STKLD1: variants seen among roughly 807,000 people sequenced by gnomAD.
The protein encoded by STKLD1 is serine/threonine kinase-like domain-containing protein STKLD1.
Under a neutral mutation model 80.4 loss-of-function variants are expected in STKLD1, and 79 were observed. The observed-to-expected ratio is 0.98, with a 90% CI of 0.82 to 1.19. STKLD1 has a LOEUF of 1.19. Among genes scored for constraint, STKLD1 ranks in the 50% most tolerant of loss-of-function variants. The pLI, the probability that STKLD1 is intolerant of heterozygous loss-of-function variation, is 0.00. For synonymous variants in STKLD1, 393 were observed against 357.6 expected, an observed-to-expected ratio of 1.10 and a Z score of -1.12; for missense variants, 841 against 856.0, an observed-to-expected ratio of 0.98 and a Z score of 0.22.
intron 16 of STKLD1, 138 bp downstream of exon 16, chr9:133,404,186 G>A (rs2130692220): frequency 8.9e-7 from 1 of 1,120,864 alleles, no homozygotes; most frequent in Non-Finnish European, 1.2e-6. Context: ...AAAACGATCT[G>A]AAGTCCAGTC....
rs1239813889 is a variant in STKLD1 at position 133,390,247 on chromosome 9, ACAC to A, written c.468-433_468-431del. On this transcript the variant is annotated intron_variant, in intron 6 of 17. Coordinates refer to ENST00000371957, the MANE Select transcript of STKLD1 (RefSeq NM_153710.5). This position sits in a 1 kb window ranked among gnomAD's most constrained non-coding sequence, Gnocchi z 5.1. ...CACACACACACACACACACACACAC[ACAC>A]ACCACGCAGACCATACGTACAAAGG... Among the ~76,000 whole-genome samples, 358 of 101,588 alleles carry A rather than the reference ACAC, an allele frequency of 3.5e-3. 3 individuals carry two copies. The highest frequency in any genetic ancestry group is 0.015 in the African/African-American group (336 of 22,054). The allele number at this position is 101,588 out of a possible 152,430, so 66.6% of individuals were successfully genotyped here.
At chr9:133,396,394 C>T (rs946788158) in intron 9 of STKLD1, among the ~76,000 whole-genome samples, 2 of 151,964 alleles carry the variant, frequency 1.3e-5, no homozygotes, top group Non-Finnish European at 2.9e-5. Flanking sequence ...GCTGAGATCT[C>T]GCCACTGCAC....
chr9:133,389,846 T>C lies in STKLD1; in HGVS notation c.467+250T>C, dbSNP rs1161476980. Among the ~76,000 whole-genome samples the C allele has an allele frequency of 5.3e-5, 8 of 151,378 alleles. No individual in the cohort carries two copies. The highest frequency in any genetic ancestry group is 7.4e-5 in the Non-Finnish European group (5 of 67,856). On this transcript the variant is annotated intron_variant, in intron 6 of 17. Transcript: ENST00000371957. The surrounding 1 kb of genome is among the most constrained non-coding windows in gnomAD (Gnocchi z 6.4). ...GCTAGCCAGGCGGGCTGCTCTAGAG[T>C]TCGTGGAAAGGAAGGAGGCAAAAGC... is the stretch of plus-strand genomic sequence containing the variant.
chr9:133,395,922 C>A, intron 9 of STKLD1, 159 bp downstream of exon 9: 1 of 736,934 alleles, frequency 1.4e-6, no homozygotes, highest in Non-Finnish European at 2.2e-6. Context: ...CCAGTTCTGG[C>A]TCTCCCAAAC....
chr9:133,381,033 G>GT (rs1264651934), intron 2 of STKLD1, among the ~76,000 whole-genome samples: 1 of 145,870 alleles, frequency 6.9e-6, no homozygotes, highest in Non-Finnish European at 1.5e-5. Context: ...TTATGGTTTT[G>GT]TTTGTTTTTT....
In STKLD1 at chr9:133,395,581, C is replaced by T. The variant is rs782585548; in HGVS notation, c.703-19C>T. On this transcript the variant is annotated intron_variant, in intron 8 of 17. Transcript: ENST00000371957. ...CATTTACTTAAGGGAATACACAGAG[C>T]TGTCCTCTCTCCGTGCAGGGCACAG... is the stretch of plus-strand genomic sequence containing the variant. 7 of 1,611,678 alleles carry T rather than the reference C, an allele frequency of 4.3e-6. No homozygotes were observed. The Admixed American group carries it at 6.7e-5, about 15-fold the overall frequency.
At chr9:133,402,758 G>A in intron 13 of STKLD1, 120 bp from the exon 14 acceptor site, 3 of 1,138,218 alleles carry the variant, frequency 2.6e-6, no homozygotes, top group Admixed American at 2.7e-5. Context: ...CACACGACTT[G>A]GCCCAGAGCA....
At chr9:133,395,064 TC>T (rs2119234204) in intron 8 of STKLD1, among the ~76,000 whole-genome samples, 1 of 152,008 alleles carries the variant, frequency 6.6e-6, no homozygotes, top group South Asian at 2.1e-4. Flanking sequence ...ACAAGGAAGC[TC>T]CCCTTCTCCG....
rs1554777433 is a variant in STKLD1, at chr9:133,400,483, T to C, written c.1152T>C (p.Asp384=). Residue 384 remains aspartate, a synonymous_variant, in exon 12 of 18, where the codon GAT becomes GAC. Coordinates refer to ENST00000371957, the MANE Select transcript of STKLD1 (RefSeq NM_153710.5). ...TGGAGCTACATGACAGGGTCCTCGA[T>C]GTCCAGCTGTGTGCCTGCTCCCTGC... ...TTMELHDRVL[D]VQLCACSLLL... is the part of the protein sequence containing the mutation. 2.5e-6 allele frequency: 4 copies of C among 1,613,470 alleles called. 1 individual carries two copies. Among genetic ancestry groups the C allele is most frequent in the East Asian group, 2.2e-5 (1 of 44,886 alleles).
chr9:133,396,476 G>C (rs587638196), intron 9 of STKLD1, among the ~76,000 whole-genome samples: 1 of 151,748 alleles, frequency 6.6e-6, no homozygotes, highest in Non-Finnish European at 1.5e-5. Flanking sequence ...AATCCAGGCC[G>C]GACACGGTGG....
chr9:133,397,406 A>C (rs1360679462), intron 10 of STKLD1, 112 bp downstream of exon 10: 1 of 1,394,364 alleles, frequency 7.2e-7, no homozygotes, highest in East Asian at 2.4e-5. Context: ...GCCTTGCTCC[A>C]CATGCACGAC....
intron 9 of STKLD1, chr9:133,396,014 AC>A (rs1429199267): frequency 1.7e-5 from 6 of 343,678 alleles, no homozygotes; most frequent in African/African-American, 1.2e-4. Flanking sequence ...AGCCCCCAGG[AC>A]CCACGACACT....
intron 2 of STKLD1, among the ~76,000 whole-genome samples, chr9:133,381,450 CTTTTTTTT>C: frequency 1.1e-5 from 1 of 91,152 alleles, no homozygotes; most frequent in East Asian, 3.5e-4. Context: ...CACCCAGCCG[CTTTTTTTT>C]TTTTTTTTTG....
intron 7 of STKLD1, among the ~76,000 whole-genome samples, chr9:133,391,295 CT>C (rs1200222678): frequency 0.024 from 3,396 of 139,924 alleles, 204 homozygotes; most frequent in African/African-American, 0.091. Flanking sequence ...TGAGGGGCGC[CT>C]CTGCCCGGCC....
In STKLD1 at chr9:133,394,220, G is replaced by A. The variant is rs1018116909; in HGVS notation, c.584-71G>A. On this transcript the variant is annotated intron_variant, in intron 7 of 17. Coordinates refer to ENST00000371957, the MANE Select transcript of STKLD1 (RefSeq NM_153710.5). This position sits in a 1 kb window ranked among gnomAD's most constrained non-coding sequence, Gnocchi z 4.9. The stretch of plus-strand genomic sequence containing the variant: ...ACCAAAGGGGATACAGTGCTGGGCA[G>A]GGTGACTCTGTCAAGCCCCTGCCCC... The A allele has an allele frequency of 1.9e-6, 2 of 1,029,654 alleles. No homozygotes were observed. Among genetic ancestry groups the A allele is most frequent in the African/African-American group, 3.1e-5 (2 of 63,680 alleles). The allele number at this position is 1,029,654 out of a possible 1,614,324, so 63.8% of individuals were successfully genotyped here.
chr9:133,381,473 G>C (rs150118244), intron 2 of STKLD1, among the ~76,000 whole-genome samples: 1,648 of 114,344 alleles, frequency 0.014, 25 homozygotes, highest in African/African-American at 0.044. Flanking sequence ...TTTTTGAGAC[G>C]GAGTCTCACT....
chr9:133,390,633 C>A lies in STKLD1; in HGVS notation c.468-48C>A. The A allele has an allele frequency of 6.8e-7, 1 of 1,469,880 alleles. No homozygotes were observed. Among genetic ancestry groups the A allele is most frequent in the Non-Finnish European group, 9.5e-7 (1 of 1,051,006 alleles). 91.1% of individuals were successfully genotyped at this position (1,469,880 alleles called of 1,614,324 possible). A position where few individuals can be genotyped will look rare whatever the true frequency, so the allele number is the denominator to read the frequency against. On this transcript the variant is annotated intron_variant, in intron 6 of 17. Transcript: ENST00000371957. This position sits in a 1 kb window ranked among gnomAD's most constrained non-coding sequence, Gnocchi z 5.1. Reference sequence around the variant, plus strand: ...ACCTGGGGTTGTGGGTGGTGGCTGCCCAGGTGGCCCCTTGGCATCCAGAGG... The same window carrying A: ...ACCTGGGGTTGTGGGTGGTGGCTGCACAGGTGGCCCCTTGGCATCCAGAGG...
At chr9:133,396,422 A>C (rs782628654) in intron 9 of STKLD1, among the ~76,000 whole-genome samples, 2 of 151,312 alleles carry the variant, frequency 1.3e-5, no homozygotes, top group Non-Finnish European at 2.9e-5. Context: ...TGGGTGACAG[A>C]GTGAGACCCT....
chr9:133,401,086 G>T (rs1300086578), intron 12 of STKLD1, among the ~76,000 whole-genome samples: 1 of 151,608 alleles, frequency 6.6e-6, no homozygotes, highest in Non-Finnish European at 1.5e-5. Context: ...GACATGGGTT[G>T]TTAAAAGAGT....
Sources: allele counts gnomAD v4.1 joint callset (sites outside exome capture counted in the v4.1 genomes callset), GRCh38; gene constraint gnomAD v4.1.1; non-coding constraint Gnocchi (gnomAD v3.1); transcripts MANE v1.5; gene names NCBI Gene and HGNC (gene_info 2026-07-23, HGNC 2026-07-21).